MPPED2: variants seen among roughly 807,000 people sequenced by gnomAD.
MPPED2 encodes the protein metallophosphoesterase MPPED2.
Under a neutral mutation model 33.0 loss-of-function variants are expected in MPPED2, and 5 were observed. That is an observed-to-expected ratio of 0.15 (90% CI 0.08 to 0.32). The LOEUF (loss-of-function observed/expected upper bound fraction) is 0.32. MPPED2 is among the 10% of genes least tolerant of loss of function. The pLI, the probability that MPPED2 is intolerant of heterozygous loss-of-function variation, is 1.00. For synonymous variants in MPPED2, 136 were observed against 141.9 expected, an observed-to-expected ratio of 0.96 and a Z score of 0.29; for missense variants, 275 against 372.1, an observed-to-expected ratio of 0.74 and a Z score of 2.15.
At chr11:30,393,204 C>CA (rs1034191102) in intron 6 of MPPED2, among the ~76,000 whole-genome samples, 5 of 152,150 alleles carry the variant, frequency 3.3e-5, no homozygotes, top group Non-Finnish European at 7.3e-5. Context: ...TGGAAGCCCA[C>CA]AGCCAGTGTC....
intron 3 of MPPED2, among the ~76,000 whole-genome samples, chr11:30,521,551 G>A (rs548160181): frequency 6.6e-6 from 1 of 152,260 alleles, no homozygotes; most frequent in East Asian, 1.9e-4. Flanking sequence ...CAGTCTAGCA[G>A]CATTCCATTA....
chr11:30,415,702 A>G (rs1316623533), intron 5 of MPPED2, among the ~76,000 whole-genome samples: 1 of 152,174 alleles, frequency 6.6e-6, no homozygotes, highest in African/African-American at 2.4e-5. Flanking sequence ...CCTTTACCAT[A>G]AAGAGAGGGA....
intron 4 of MPPED2, among the ~76,000 whole-genome samples, chr11:30,420,933 C>G (rs531228544): frequency 2.2e-4 from 33 of 152,094 alleles, no homozygotes; most frequent in Non-Finnish European, 3.1e-4. Flanking sequence ...AAGGCAACTT[C>G]GAAACCCAAT....
intron 6 of MPPED2, among the ~76,000 whole-genome samples, chr11:30,402,987 T>C (rs1034671232): frequency 2.0e-5 from 3 of 152,250 alleles, no homozygotes; most frequent in Admixed American, 6.5e-5. Context: ...GGCTCATGCC[T>C]GTATTCCCAG....
chr11:30,550,918 C>T (rs1955679944), intron 2 of MPPED2, among the ~76,000 whole-genome samples: 1 of 152,010 alleles, frequency 6.6e-6, no homozygotes, highest in African/African-American at 2.4e-5. Flanking sequence ...GGACTTAAAC[C>T]CAAAGAAAGT....
At chr11:30,537,564 A>C (rs1373018251) in intron 2 of MPPED2, among the ~76,000 whole-genome samples, 3 of 152,200 alleles carry the variant, frequency 2.0e-5, no homozygotes, top group Non-Finnish European at 4.4e-5. Flanking sequence ...AGAAGAGATC[A>C]GTGTGCAACC....
intron 4 of MPPED2, among the ~76,000 whole-genome samples, chr11:30,426,474 C>T (rs1248065257): frequency 6.6e-6 from 1 of 152,108 alleles, no homozygotes; most frequent in African/African-American, 2.4e-5. Context: ...ATAATAAGTC[C>T]CAGTCCCTTT....
chr11:30,394,810 T>C (rs1947820816), intron 6 of MPPED2, among the ~76,000 whole-genome samples: 2 of 152,212 alleles, frequency 1.3e-5, no homozygotes, highest in African/African-American at 2.4e-5. Flanking sequence ...TGGTGTCATA[T>C]GTAAGAACTC....
chr11:30,411,986 A>C (rs1245240266), intron 6 of MPPED2, among the ~76,000 whole-genome samples: 13 of 152,022 alleles, frequency 8.6e-5, no homozygotes, highest in Admixed American at 8.5e-4. Context: ...GGGCAAACAC[A>C]ACTAAATTCC....
At chr11:30,491,601 C>T (rs2134184578) in intron 4 of MPPED2, among the ~76,000 whole-genome samples, 1 of 152,280 alleles carries the variant, frequency 6.6e-6, no homozygotes, top group African/African-American at 2.4e-5. Context: ...TCATAACAAC[C>T]ATGAAACCGT....
intron 2 of MPPED2, among the ~76,000 whole-genome samples, chr11:30,564,445 G>A (rs1040845038): frequency 3.9e-5 from 6 of 152,084 alleles, no homozygotes; most frequent in Admixed American, 6.6e-5. Context: ...CTTTGCAATG[G>A]CCCTTTGAGA....
At chr11:30,426,107 AAATTCTTGTCATCATCCTAAATAG>A (rs1948825550) in intron 4 of MPPED2, among the ~76,000 whole-genome samples, 4 of 152,232 alleles carry the variant, frequency 2.6e-5, no homozygotes, top group African/African-American at 9.6e-5. Flanking sequence ...ATCCATCTCC[AAATTCTTGTCATCATCCTAAATAG>A]AAGGTCTATA....
At chr11:30,429,949 C>T (rs1284968166) in intron 4 of MPPED2, among the ~76,000 whole-genome samples, 3 of 152,062 alleles carry the variant, frequency 2.0e-5, no homozygotes, top group African/African-American at 4.8e-5. Context: ...TTTGAATCCA[C>T]GTTGTGTTAT....
intron 3 of MPPED2, among the ~76,000 whole-genome samples, chr11:30,527,220 G>A (rs1039849251): frequency 1.3e-5 from 2 of 151,998 alleles, no homozygotes; most frequent in Admixed American, 6.6e-5. Context: ...GTGAGCCACC[G>A]CGCCCGGCCT....
In MPPED2 at chr11:30,410,485, A is replaced by G. The variant is rs539803967; in HGVS notation, c.*983T>C. ...GACAACTTGGGGTATTTAAATAGAA[A>G]GGACAACTAAGCCTTATTTTAGTTA... On this transcript the variant is annotated 3_prime_UTR_variant, in exon 7 of 7. Coordinates refer to ENST00000358117, the MANE Select transcript of MPPED2 (RefSeq NM_001584.3). 35 of 985,802 alleles carry G rather than the reference A, an allele frequency of 3.6e-5. No individual in the cohort carries two copies. In the African/African-American group the frequency reaches 5.4e-4, roughly 15 times the overall value. The allele number at this position is 985,802 out of a possible 1,614,324, so 61.1% of individuals were successfully genotyped here.
chr11:30,569,507 A>C (rs763081581), intron 2 of MPPED2, among the ~76,000 whole-genome samples: 6 of 152,156 alleles, frequency 3.9e-5, no homozygotes, highest in Non-Finnish European at 8.8e-5. Context: ...CCCAAAATGT[A>C]TGGGTGAAGA....
At position 30,449,349 on chromosome 11, in the gene MPPED2, G is replaced by A. The variant is rs543774564; in HGVS notation, c.537-31716C>T. ...GGAGTATTTTTGAGCTGAAAGCAAC[G>A]GAGAATCAACAGATAGGACAGGTGC... On this transcript the variant is annotated intron_variant, in intron 4 of 6. Transcript: ENST00000358117. 4.6e-5 allele frequency among the ~76,000 whole-genome samples: 7 copies of A among 152,212 alleles called. No homozygotes were observed. In the East Asian group the frequency reaches 5.8e-4, roughly 13 times the overall value.
At position 30,463,701 on chromosome 11, in the gene MPPED2, C is replaced by T. The variant is rs536619648; in HGVS notation, c.536+31595G>A. On this transcript the variant is annotated intron_variant, in intron 4 of 6. Coordinates refer to ENST00000358117, the MANE Select transcript of MPPED2 (RefSeq NM_001584.3). ...TTACATGTTAAGGCCACATCAAAATCTCTAAAGCCATATCTACCTTTGAAG... is the reference window on the plus strand; with the variant it reads ...TTACATGTTAAGGCCACATCAAAATTTCTAAAGCCATATCTACCTTTGAAG... Among the ~76,000 whole-genome samples, 3 of 152,294 alleles carry T rather than the reference C, an allele frequency of 2.0e-5. No homozygotes were observed. The South Asian group carries it at 6.2e-4, about 32-fold the overall frequency.
At chr11:30,408,246 A>G (rs1280967213), downstream of MPPED2, among the ~76,000 whole-genome samples, 1 of 152,202 alleles carries the variant, frequency 6.6e-6, no homozygotes, top group Non-Finnish European at 1.5e-5. Context: ...GCTGTCAAAG[A>G]GCCACATTGC....
Sources: gnomAD v4.1 joint callset for allele counts (sites outside exome capture counted in the v4.1 genomes callset) on GRCh38, gnomAD v4.1.1 for gene constraint, MANE v1.5 for transcripts, NCBI Gene and HGNC (gene_info 2026-07-23, HGNC 2026-07-21) for gene names.